The following IGFBPL1 variants were observed in gnomAD, a reference collection of about 807,000 sequenced individuals.
The protein encoded by IGFBPL1 is insulin-like growth factor-binding protein-like 1.
In IGFBPL1, 20 loss-of-function variants were observed where a neutral mutation model predicts 23.9. The observed-to-expected ratio is 0.84, with a 90% CI of 0.59 to 1.22. The LOEUF is 1.22. Ranked by LOEUF, IGFBPL1 falls within the 50% of genes most tolerant of loss-of-function variation. The probability of loss-of-function intolerance (pLI) is 0.00; values close to 1 mark genes in which losing one functional copy is unlikely to be tolerated. For missense variants in IGFBPL1, 436 were observed against 379.3 expected (o/e 1.15, Z -1.24); for synonymous variants, 184 against 171.8 (o/e 1.07, Z -0.56).
chr9:38,412,502 G>A (rs1419074293), intron 3 of IGFBPL1, among the ~76,000 whole-genome samples: 1 of 152,234 alleles, frequency 6.6e-6, no homozygotes, highest in Admixed American at 6.5e-5. Context: ...TGGCAGGAAA[G>A]AGCTCTGGAG....
chr9:38,414,031 T>TCCCACACACACACA (rs1491232049), intron 2 of IGFBPL1, 63 bp downstream of exon 2: 1 of 762,212 alleles, frequency 1.3e-6, no homozygotes, highest in South Asian at 1.6e-5. Context: ...TCTCCCTCTT[T>TCCCACACACACACA]CTCACACACA....
At chr9:38,414,250 C>A in intron 1 of IGFBPL1, 47 bp from the exon 2 acceptor site, 3 of 1,161,826 alleles carry the variant, frequency 2.6e-6, no homozygotes, top group Non-Finnish European at 3.7e-6. Context: ...TGCAGGGTTC[C>A]AAGCAACCCA....
chr9:38,424,420 G>A lies in IGFBPL1; in HGVS notation c.5C>T (p.Pro2Leu), dbSNP rs1253954673. ...CAGCGGCAAGAGCAGAGACAAGCGCGGCATGGCTTGCTCCGGGACAGCGGC... is the reference window on the plus strand; with the variant it reads ...CAGCGGCAAGAGCAGAGACAAGCGCAGCATGGCTTGCTCCGGGACAGCGGC... M[P>L]RLSLLLPLLL... The change falls in exon 1 of 5, where the codon CCG becomes CTG. Residue 2 changes from proline to leucine, a missense_variant. Physicochemically the swap from Pro to Leu is moderately conservative, Grantham distance 98. Transcript: ENST00000377694. 3.4e-6 allele frequency: 2 copies of A among 592,236 alleles called. No individual in the cohort carries two copies. Among genetic ancestry groups the A allele is most frequent in the African/African-American group, 2.0e-5 (1 of 51,028 alleles). 36.7% of individuals were successfully genotyped at this position (592,236 alleles called of 1,614,324 possible). A position where few individuals can be genotyped will look rare whatever the true frequency, so the allele number is the denominator to read the frequency against.
In IGFBPL1 at chr9:38,410,011, A is replaced by C. The variant is rs531902238; in HGVS notation, c.*10-794T>G. On this transcript the variant is annotated intron_variant, in intron 4 of 4. Coordinates refer to ENST00000377694, the MANE Select transcript of IGFBPL1 (RefSeq NM_001007563.3). ...CTACAGACCAGAAGTAAGGCCTTGC[A>C]CACAGAAGGTGTGCAACAGTAGTGG... is the stretch of plus-strand genomic sequence containing the variant. Among the ~76,000 whole-genome samples, 3 of 152,338 alleles carry C rather than the reference A, an allele frequency of 2.0e-5. No homozygotes were observed. In the East Asian group the frequency reaches 5.8e-4, roughly 29 times the overall value.
Position 38,423,956 on chromosome 9 carries a change from C to G in IGFBPL1, c.460+9G>C. 2 of 1,381,286 alleles carry G rather than the reference C, an allele frequency of 1.4e-6. No individual in the cohort carries two copies. The highest frequency in any genetic ancestry group is 1.9e-6 in the Non-Finnish European group (2 of 1,074,038). 85.6% of individuals were successfully genotyped at this position (1,381,286 alleles called of 1,614,324 possible). A position where few individuals can be genotyped will look rare whatever the true frequency, so the allele number is the denominator to read the frequency against. On this transcript the variant is annotated intron_variant, in intron 1 of 4. Transcript: ENST00000377694. ...TTCTCTACCCACCCAATCCCCGACCCTGACTCACCGAACTCGCAAGGGCCG... is the reference window on the plus strand; with the variant it reads ...TTCTCTACCCACCCAATCCCCGACCGTGACTCACCGAACTCGCAAGGGCCG...
chr9:38,422,990 C>T (rs896502806), intron 1 of IGFBPL1, among the ~76,000 whole-genome samples: 4 of 152,150 alleles, frequency 2.6e-5, no homozygotes, highest in African/African-American at 7.2e-5. Context: ...AGCCTGAACT[C>T]CAGGCCGAAA....
chr9:38,412,724 C>A (rs1310855491), intron 3 of IGFBPL1, among the ~76,000 whole-genome samples: 1 of 152,220 alleles, frequency 6.6e-6, no homozygotes, highest in East Asian at 1.9e-4. Context: ...TCAGGAGACT[C>A]ATTTTCTTGC....
chr9:38,421,710 G>A (rs1416721231), intron 1 of IGFBPL1, among the ~76,000 whole-genome samples: 1 of 152,058 alleles, frequency 6.6e-6, no homozygotes, highest in Admixed American at 6.6e-5. Context: ...ATGGCTTTAG[G>A]GCAGCACAGA....
chr9:38,414,595 G>A (rs1252429692), intron 1 of IGFBPL1, among the ~76,000 whole-genome samples: 2 of 152,268 alleles, frequency 1.3e-5, no homozygotes, highest in Non-Finnish European at 2.9e-5. Context: ...CGCCACCAAC[G>A]GCAGAGTCTT....
chr9:38,420,599 C>T (rs920188367), intron 1 of IGFBPL1, among the ~76,000 whole-genome samples: 1 of 152,016 alleles, frequency 6.6e-6, no homozygotes, highest in Non-Finnish European at 1.5e-5. Flanking sequence ...TTTGGGAGGC[C>T]GAGGCGGGCA....
At chr9:38,414,833 G>C (rs1821576162) in intron 1 of IGFBPL1, among the ~76,000 whole-genome samples, 1 of 152,188 alleles carries the variant, frequency 6.6e-6, no homozygotes, top group South Asian at 2.1e-4. Flanking sequence ...TGTGGTTCTA[G>C]ACTGCCAGAA....
At chr9:38,414,353 A>G in intron 1 of IGFBPL1, 150 bp from the exon 2 acceptor site, 1 of 571,692 alleles carries the variant, frequency 1.7e-6, no homozygotes, top group Non-Finnish European at 3.1e-6. Context: ...TAAAAGAGAG[A>G]TTTCCTCAGA....
At chr9:38,416,801 A>G (rs925819113) in intron 1 of IGFBPL1, among the ~76,000 whole-genome samples, 53 of 151,816 alleles carry the variant, frequency 3.5e-4, no homozygotes, top group Admixed American at 1.8e-3. Context: ...CAGCCTCTTG[A>G]GTAGCTGGGA....
At chr9:38,409,731 T>G (rs1447282919) in intron 4 of IGFBPL1, among the ~76,000 whole-genome samples, 1 of 152,218 alleles carries the variant, frequency 6.6e-6, no homozygotes, top group African/African-American at 2.4e-5. Context: ...GAAGACAATT[T>G]TAAGACCCAA....
rs1437659770 is a variant in IGFBPL1, at chr9:38,407,494, G to A, written c.*1733C>T. Among the ~76,000 whole-genome samples the A allele has an allele frequency of 2.0e-5, 3 of 152,224 alleles. No homozygotes were observed. The highest frequency in any genetic ancestry group is 1.9e-4 in the East Asian group (1 of 5,198). ...GACATGGAATGGCAGGCTTACAGGCGGAAAGTTCACTTCCAACAAGGACTC... is the reference window on the plus strand; with the variant it reads ...GACATGGAATGGCAGGCTTACAGGCAGAAAGTTCACTTCCAACAAGGACTC... On this transcript the variant is annotated 3_prime_UTR_variant, in exon 5 of 5. Coordinates refer to ENST00000377694, the MANE Select transcript of IGFBPL1 (RefSeq NM_001007563.3).
rs1278472032 is a variant in IGFBPL1, at chr9:38,424,359, C to A, written c.66G>T (p.Leu22=). 2 of 762,902 alleles carry A rather than the reference C, an allele frequency of 2.6e-6. No homozygotes were observed. The highest frequency in any genetic ancestry group is 4.1e-6 in the Non-Finnish European group (2 of 483,016). The allele number at this position is 762,902 out of a possible 1,614,324, so 47.3% of individuals were successfully genotyped here. Reference sequence around the variant, plus strand: ...CGTCGCGGATCCCAAGGCTCGGGGACAGCGGCGGCAGCAGCGGCAGCAGCA... The same window carrying A: ...CGTCGCGGATCCCAAGGCTCGGGGAAAGCGGCGGCAGCAGCGGCAGCAGCA... ...LLLLLPLLPP[L]SPSLGIRDVG... is the part of the protein sequence containing the mutation. Residue 22 remains leucine, a synonymous_variant, in exon 1 of 5, where the codon CTG becomes CTT. Coordinates refer to ENST00000377694, the MANE Select transcript of IGFBPL1 (RefSeq NM_001007563.3).
chr9:38,416,267 T>C (rs548613948), intron 1 of IGFBPL1, among the ~76,000 whole-genome samples: 1 of 152,336 alleles, frequency 6.6e-6, no homozygotes, highest in African/African-American at 2.4e-5. Flanking sequence ...ATTTTAAATG[T>C]GATTTCATCA....
At chr9:38,414,378 G>A (rs780553861) in intron 1 of IGFBPL1, among the ~76,000 whole-genome samples, 175 bp from the exon 2 acceptor site, 3 of 152,134 alleles carry the variant, frequency 2.0e-5, no homozygotes, top group African/African-American at 4.8e-5. Context: ...GAAAGCTGCC[G>A]ACCGATCTCC....
intron 3 of IGFBPL1, among the ~76,000 whole-genome samples, chr9:38,411,911 T>C (rs1821518440): frequency 6.6e-6 from 1 of 152,200 alleles, no homozygotes; most frequent in Non-Finnish European, 1.5e-5. Flanking sequence ...CAGAAAGTAT[T>C]CCCTATAGGG....
Sources: gnomAD v4.1 joint callset for allele counts (sites outside exome capture counted in the v4.1 genomes callset) on GRCh38, gnomAD v4.1.1 for gene constraint, MANE v1.5 for transcripts, NCBI Gene and HGNC (gene_info 2026-07-23, HGNC 2026-07-21) for gene names.